Variants in EMSY observed in about 807,000 individuals in gnomAD.
EMSY encodes EMSY transcriptional repressor, BRCA2 interacting.
Under a neutral mutation model 134.6 loss-of-function variants are expected in EMSY, and 26 were observed. That is an observed-to-expected ratio of 0.19 (90% CI 0.14 to 0.27). The LOEUF is 0.27. Ranked by LOEUF, EMSY falls within the 10% of genes least tolerant of loss-of-function variation. The probability of loss-of-function intolerance (pLI) is 1.00; values close to 1 mark genes in which losing one functional copy is unlikely to be tolerated. For synonymous variants in EMSY, 579 were observed against 577.8 expected, an observed-to-expected ratio of 1.00 and a Z score of -0.03; for missense variants, 1,305 against 1,611.4, an observed-to-expected ratio of 0.81 and a Z score of 3.26.
At chr11:76,496,280 G>A (rs1427648337) in exon 9 of EMSY, 4 of 1,613,988 alleles carry the variant, frequency 2.5e-6, no homozygotes, top group African/African-American at 1.3e-5. Flanking sequence ...CTTAGTGAGT[G>A]CCCCAACTCA....
At chr11:76,543,476 G>A (rs752591693) in intron 18 of EMSY, among the ~76,000 whole-genome samples, 3 of 152,146 alleles carry the variant, frequency 2.0e-5, no homozygotes, top group Non-Finnish European at 2.9e-5. Flanking sequence ...CCTGGAGTCC[G>A]GCCCTCAGCT....
At chr11:76,547,146 T>C (rs1245768924) in intron 20 of EMSY, 2 of 440,974 alleles carry the variant, frequency 4.5e-6, no homozygotes, top group African/African-American at 4.1e-5. Flanking sequence ...GCTAAACAGA[T>C]ATATAGCTTG....
Position 76,498,993 on chromosome 11 carries a change from G to A in EMSY, c.1363+2524G>A, listed in dbSNP as rs185032682. Among the ~76,000 whole-genome samples the A allele has an allele frequency of 5.1e-3, 769 of 152,268 alleles. 5 individuals carry two copies. Among genetic ancestry groups the A allele is most frequent in the Non-Finnish European group, 7.3e-3 (496 of 68,032 alleles). ...GTTTTTGTTTTTGAGACGGAGTCTC[G>A]CTTTGTCACCCAGGCTGGAGTGCAG... On this transcript the variant is annotated intron_variant, in intron 9 of 20. Coordinates refer to ENST00000334736, the Ensembl canonical transcript of EMSY.
At chr11:76,446,248 G>T (rs1211376728) in intron 1 of EMSY, among the ~76,000 whole-genome samples, 8 of 151,516 alleles carry the variant, frequency 5.3e-5, no homozygotes, top group African/African-American at 1.7e-4. Context: ...GTTGGTAAAT[G>T]GCTGTTTAAT....
chr11:76,494,979 G>A (rs569267851), intron 8 of EMSY, among the ~76,000 whole-genome samples: 15 of 152,060 alleles, frequency 9.9e-5, no homozygotes, highest in Non-Finnish European at 1.8e-4. Flanking sequence ...CAGGTGATAC[G>A]CCTGCCTCAG....
chr11:76,451,635 A>G (rs936147724), intron 2 of EMSY, among the ~76,000 whole-genome samples: 1 of 152,210 alleles, frequency 6.6e-6, no homozygotes, highest in African/African-American at 2.4e-5. Flanking sequence ...AGATTTTTCT[A>G]CCTAAACATT....
intron 9 of EMSY, among the ~76,000 whole-genome samples, chr11:76,501,410 A>G (rs1949852198): frequency 6.6e-6 from 1 of 152,236 alleles, no homozygotes; most frequent in Non-Finnish European, 1.5e-5. Context: ...TCACAGAACT[A>G]AAGAAAAACA....
intron 10 of EMSY, among the ~76,000 whole-genome samples, chr11:76,513,942 C>T (rs1339624924): frequency 6.6e-6 from 1 of 152,160 alleles, no homozygotes; most frequent in Non-Finnish European, 1.5e-5. Flanking sequence ...ACAAGGATTT[C>T]ACTCTGATGA....
At chr11:76,509,587 TG>T (rs773078316) in intron 9 of EMSY, among the ~76,000 whole-genome samples, 15 of 152,334 alleles carry the variant, frequency 9.8e-5, no homozygotes, top group Admixed American at 4.6e-4. Flanking sequence ...AAGGTATACC[TG>T]TATCACTGTA....
At chr11:76,493,091 G>A (rs1949490230) in intron 8 of EMSY, among the ~76,000 whole-genome samples, 1 of 152,160 alleles carries the variant, frequency 6.6e-6, no homozygotes, top group African/African-American at 2.4e-5. Flanking sequence ...TCTCCGAAGT[G>A]CCTGCTCCTG....
chr11:76,460,137 C>G (rs762963834), intron 6 of EMSY, 52 bp downstream of exon 7: 2 of 1,591,604 alleles, frequency 1.3e-6, no homozygotes, highest in African/African-American at 2.7e-5. Context: ...ATGCTGCAGT[C>G]TAGGCTCTGA....
chr11:76,446,088 C>T (rs1034966165), intron 1 of EMSY, among the ~76,000 whole-genome samples: 4 of 151,966 alleles, frequency 2.6e-5, no homozygotes, highest in African/African-American at 9.7e-5. Flanking sequence ...TTTGCTCAGT[C>T]GCGTCAACCA....
intron 15 of EMSY, 30 bp downstream of exon 16, chr11:76,536,089 G>A (rs377398913): frequency 4.2e-6 from 6 of 1,425,962 alleles, no homozygotes; most frequent in South Asian, 1.7e-5. Context: ...ATTGAATGAA[G>A]CATGTTTTCT....
intron 8 of EMSY, among the ~76,000 whole-genome samples, chr11:76,486,074 A>G (rs943949316): frequency 6.6e-6 from 1 of 152,232 alleles, no homozygotes; most frequent in Non-Finnish European, 1.5e-5. Context: ...CGCAGCCATA[A>G]AAGAGGATGA....
chr11:76,495,317 T>C (rs1037564121), intron 8 of EMSY, among the ~76,000 whole-genome samples: 3 of 152,256 alleles, frequency 2.0e-5, no homozygotes, highest in African/African-American at 7.2e-5. Context: ...AGAATTAGGC[T>C]ATTAGTTTCT....
At chr11:76,446,904 G>A in exon 2 of EMSY, 1 of 1,603,038 alleles carries the variant, frequency 6.2e-7, no homozygotes, top group Non-Finnish European at 8.5e-7. Flanking sequence ...TGGTAGGGAG[G>A]ACAAGCTCTT....
At chr11:76,530,206 C>T (rs575466536) in intron 14 of EMSY, among the ~76,000 whole-genome samples, 2 of 135,050 alleles carry the variant, frequency 1.5e-5, no homozygotes, top group Admixed American at 1.6e-4. Context: ...GTTGCCCAGA[C>T]TAGAGTGCAG....
At chr11:76,531,835 C>T (rs763380375) in intron 14 of EMSY, among the ~76,000 whole-genome samples, 2 of 152,128 alleles carry the variant, frequency 1.3e-5, no homozygotes, top group East Asian at 1.9e-4. Flanking sequence ...GGTCCTTTTT[C>T]TGGTGACTTC....
intron 8 of EMSY, among the ~76,000 whole-genome samples, chr11:76,482,346 C>T (rs1176621188): frequency 1.3e-5 from 2 of 152,166 alleles, no homozygotes; most frequent in Non-Finnish European, 2.9e-5. Context: ...CTCTTCTCCT[C>T]CAAAGGATCA....
Sources: allele counts gnomAD v4.1 joint callset (sites outside exome capture counted in the v4.1 genomes callset), GRCh38; gene constraint gnomAD v4.1.1; transcripts MANE v1.5; gene names NCBI Gene and HGNC (gene_info 2026-07-23, HGNC 2026-07-21).